DGKI: variants seen among roughly 807,000 people sequenced by gnomAD.
DGKI encodes the protein diacylglycerol kinase iota, also known as DAG kinase iota.
DGKI carries 55 observed loss-of-function variants against 147.5 expected under a neutral mutation model. The ratio of observed to expected loss-of-function variants is 0.37; its 90% CI spans 0.30 to 0.47. The LOEUF is 0.47. Ranked by LOEUF, DGKI falls within the 20% of genes least tolerant of loss-of-function variation. The pLI, the probability that DGKI is intolerant of heterozygous loss-of-function variation, is 1.00. For missense variants in DGKI, 1,007 were observed against 1,323.8 expected, an observed-to-expected ratio of 0.76 and a Z score of 3.71; for synonymous variants, 469 against 477.1, an observed-to-expected ratio of 0.98 and a Z score of 0.22.
intron 1 of DGKI, among the ~76,000 whole-genome samples, chr7:137,756,171 A>T (rs1795673289): frequency 6.6e-6 from 1 of 152,216 alleles, no homozygotes; most frequent in Admixed American, 6.5e-5. Context: ...CCAAGCAGAT[A>T]GGAGATCTCT....
intron 19 of DGKI, among the ~76,000 whole-genome samples, chr7:137,567,146 C>T (rs1348386475): frequency 6.6e-6 from 1 of 151,652 alleles, no homozygotes; most frequent in African/African-American, 2.4e-5. Flanking sequence ...TGCCTGTAAT[C>T]CCAGCTACTT....
chr7:137,647,687 A>AC (rs1821877986), intron 5 of DGKI, among the ~76,000 whole-genome samples: 1 of 151,902 alleles, frequency 6.6e-6, no homozygotes, highest in South Asian at 2.1e-4. Flanking sequence ...AAGGCACTGG[A>AC]CCCTCTACCT....
At chr7:137,510,396 A>C (rs1375662638) in intron 21 of DGKI, among the ~76,000 whole-genome samples, 1 of 152,236 alleles carries the variant, frequency 6.6e-6, no homozygotes, top group Non-Finnish European at 1.5e-5. Flanking sequence ...TGCCCTTGAC[A>C]ATGGAAATGA....
At chr7:137,687,202 C>T (rs1823448320) in intron 2 of DGKI, among the ~76,000 whole-genome samples, 1 of 152,184 alleles carries the variant, frequency 6.6e-6, no homozygotes, top group African/African-American at 2.4e-5. Context: ...AGAAGCACAA[C>T]TTAGCACTAT....
At chr7:137,611,292 G>T (rs1031011607) in intron 8 of DGKI, among the ~76,000 whole-genome samples, 1 of 152,156 alleles carries the variant, frequency 6.6e-6, no homozygotes, top group African/African-American at 2.4e-5. Flanking sequence ...TGCTCTAAAT[G>T]CTTCTCAACC....
chr7:137,586,609 GT>G (rs894629127), intron 13 of DGKI, among the ~76,000 whole-genome samples: 3 of 152,052 alleles, frequency 2.0e-5, no homozygotes, highest in Non-Finnish European at 4.4e-5. Flanking sequence ...TGGCTTCATT[GT>G]GGAAAGGACA....
At chr7:137,831,326 T>G (rs991062075) in intron 1 of DGKI, among the ~76,000 whole-genome samples, 2 of 152,248 alleles carry the variant, frequency 1.3e-5, no homozygotes, top group Non-Finnish European at 2.9e-5. Context: ...TCCGTTTTCA[T>G]GCTGCTGATA....
At position 137,770,534 on chromosome 7, in the gene DGKI, G is replaced by GTT. The variant is rs1396125188; in HGVS notation, c.401+75926_401+75927dup. On this transcript the variant is annotated intron_variant, in intron 1 of 32. Transcript: ENST00000614521. ...AAAATCAATAAATTATACTCAGTGGGTTTTTTTTTTTTTTTTTGAGACGGA... is the reference window on the plus strand; with the variant it reads ...AAAATCAATAAATTATACTCAGTGGGTTTTTTTTTTTTTTTTTTTGAGACGGA... 2.8e-4 allele frequency among the ~76,000 whole-genome samples: 28 copies of GTT among 101,434 alleles called. 3 individuals are homozygous for GTT. The highest frequency in any genetic ancestry group is 3.4e-4 in the Non-Finnish European group (19 of 55,770). 66.5% of individuals were successfully genotyped at this position (101,434 alleles called of 152,430 possible).
chr7:137,778,550 A>AC (rs1796430455), intron 1 of DGKI, among the ~76,000 whole-genome samples: 1 of 151,896 alleles, frequency 6.6e-6, no homozygotes, highest in Admixed American at 6.6e-5. Flanking sequence ...CAAAGTAGCT[A>AC]GGTCAGAACA....
chr7:137,765,125 G>A (rs929167698), intron 1 of DGKI, among the ~76,000 whole-genome samples: 1 of 152,170 alleles, frequency 6.6e-6, no homozygotes, highest in Non-Finnish European at 1.5e-5. Flanking sequence ...CATTGAAGAG[G>A]GGTGTTACTT....
At chr7:137,802,478 GT>G (rs1378913188) in intron 1 of DGKI, among the ~76,000 whole-genome samples, 1 of 152,096 alleles carries the variant, frequency 6.6e-6, no homozygotes, top group Non-Finnish European at 1.5e-5. Flanking sequence ...TGTTACAGCT[GT>G]TTTGCACCTC....
intron 1 of DGKI, among the ~76,000 whole-genome samples, chr7:137,838,337 A>G (rs1258723293): frequency 6.6e-6 from 1 of 152,160 alleles, no homozygotes; most frequent in African/African-American, 2.4e-5. Flanking sequence ...GATTGTCTCA[A>G]ACTCTGACAC....
intron 20 of DGKI, among the ~76,000 whole-genome samples, chr7:137,533,829 T>C (rs560963786): frequency 2.6e-5 from 4 of 152,286 alleles, no homozygotes; most frequent in Non-Finnish European, 5.9e-5. Flanking sequence ...ATTTTTATAA[T>C]GGCCCAAGAT....
chr7:137,653,495 A>C (rs1037810502), intron 5 of DGKI, among the ~76,000 whole-genome samples: 3 of 152,168 alleles, frequency 2.0e-5, no homozygotes, highest in African/African-American at 7.2e-5. Context: ...TTGCTATCTC[A>C]GATCTCATGT....
chr7:137,757,732 A>G (rs887613257), intron 1 of DGKI, among the ~76,000 whole-genome samples: 3 of 152,232 alleles, frequency 2.0e-5, no homozygotes, highest in Middle Eastern at 3.2e-3. Flanking sequence ...TCTCTTAACC[A>G]ATAAAATCTC....
chr7:137,551,298 A>C (rs1449280263), intron 20 of DGKI, among the ~76,000 whole-genome samples: 2 of 152,064 alleles, frequency 1.3e-5, no homozygotes, highest in Admixed American at 6.6e-5. Context: ...CCACAGAGAG[A>C]GAGCAGTAAG....
At chr7:137,622,679 G>A (rs1193586049) in intron 7 of DGKI, among the ~76,000 whole-genome samples, 2 of 152,136 alleles carry the variant, frequency 1.3e-5, no homozygotes, top group African/African-American at 4.8e-5. Context: ...TACAAAAATA[G>A]ATGGCAGCCA....
At chr7:137,704,838 G>T (rs922498852) in intron 1 of DGKI, among the ~76,000 whole-genome samples, 4 of 152,140 alleles carry the variant, frequency 2.6e-5, no homozygotes, top group African/African-American at 7.2e-5. Context: ...AAAATATGGA[G>T]ACCAGAAAGA....
intron 3 of DGKI, 26 bp downstream of exon 3, chr7:137,678,531 C>A: frequency 6.2e-7 from 1 of 1,610,952 alleles, no homozygotes; most frequent in South Asian, 1.1e-5. Context: ...CAGGCCTTCC[C>A]CCAGCAAGAC....
Sources: allele counts gnomAD v4.1 joint callset (sites outside exome capture counted in the v4.1 genomes callset), GRCh38; gene constraint gnomAD v4.1.1; transcripts MANE v1.5; gene names NCBI Gene and HGNC (gene_info 2026-07-23, HGNC 2026-07-21).